PPP1R9A: variants seen among roughly 807,000 people sequenced by gnomAD.
The protein encoded by PPP1R9A is protein phosphatase 1 regulatory subunit 9A.
A neutral mutation model predicts 141.9 loss-of-function variants in PPP1R9A; 59 were observed. The observed-to-expected ratio is 0.42, with a 90% confidence interval of 0.34 to 0.52. The LOEUF (loss-of-function observed/expected upper bound fraction) is 0.52, where lower values mean the gene tolerates loss of function less well. PPP1R9A is among the 20% of genes least tolerant of loss of function. The pLI is 0.10. For missense variants in PPP1R9A, 1,444 were observed against 1,611.9 expected, an observed-to-expected ratio of 0.90 and a Z score of 1.78; for synonymous variants, 500 against 569.7, an observed-to-expected ratio of 0.88 and a Z score of 1.74.
intron 2 of PPP1R9A, among the ~76,000 whole-genome samples, chr7:95,055,640 A>G (rs946948732): frequency 6.6e-6 from 1 of 152,120 alleles, no homozygotes; most frequent in African/African-American, 2.4e-5. Context: ...CATATTTTTA[A>G]GCCTAGCCTT....
At chr7:94,981,394 C>G (rs918719378) in intron 2 of PPP1R9A, among the ~76,000 whole-genome samples, 2 of 152,086 alleles carry the variant, frequency 1.3e-5, no homozygotes, top group Non-Finnish European at 2.9e-5. Context: ...AGTGCGCTAC[C>G]GCAGCCGGCT....
chr7:95,036,744 T>C (rs536435478), intron 2 of PPP1R9A: 1 of 152,358 alleles, frequency 6.6e-6, no homozygotes, highest in African/African-American at 2.4e-5. Flanking sequence ...ATGAATTGCT[T>C]CTAATTTGCA....
chr7:95,052,151 T>C (rs374314947), intron 2 of PPP1R9A, among the ~76,000 whole-genome samples: 2 of 152,158 alleles, frequency 1.3e-5, no homozygotes, highest in Non-Finnish European at 2.9e-5. Context: ...AGATGAATTT[T>C]ATAGTCATTG....
intron 2 of PPP1R9A, among the ~76,000 whole-genome samples, chr7:94,938,710 C>G (rs1795025289): frequency 6.6e-6 from 1 of 152,236 alleles, no homozygotes; most frequent in African/African-American, 2.4e-5. Flanking sequence ...AATTTTTAAA[C>G]TAATCTGTAA....
chr7:95,149,903 A>T (rs1828342102), intron 4 of PPP1R9A, among the ~76,000 whole-genome samples: 1 of 151,936 alleles, frequency 6.6e-6, no homozygotes. Flanking sequence ...CCAACTTAAT[A>T]TTTAAGGGAA....
At chr7:95,193,441 A>C (rs552728406) in intron 5 of PPP1R9A, among the ~76,000 whole-genome samples, 1 of 152,122 alleles carries the variant, frequency 6.6e-6, no homozygotes, top group Admixed American at 6.5e-5. Flanking sequence ...TGTAGGGCAA[A>C]TTGAGAAAGC....
chr7:95,093,911 C>T (rs1433052333), intron 2 of PPP1R9A, among the ~76,000 whole-genome samples: 1 of 152,086 alleles, frequency 6.6e-6, no homozygotes, highest in Non-Finnish European at 1.5e-5. Flanking sequence ...AGGCACCAAC[C>T]TTAAATGTTT....
chr7:95,160,671 C>T (rs1322461719), intron 4 of PPP1R9A, among the ~76,000 whole-genome samples: 1 of 151,966 alleles, frequency 6.6e-6, no homozygotes, highest in Non-Finnish European at 1.5e-5. Flanking sequence ...CCCTTGCTTC[C>T]CTCTCTTCCT....
At chr7:95,226,188 ATATAT>A in intron 8 of PPP1R9A, 72 bp downstream of exon 8, 3 of 1,415,944 alleles carry the variant, frequency 2.1e-6, no homozygotes, top group Non-Finnish European at 2.9e-6. Context: ...TGTTCAAATA[ATATAT>A]TAAGAATAAT....
At chr7:94,962,682 AATG>A (rs1797763976) in intron 2 of PPP1R9A, among the ~76,000 whole-genome samples, 2 of 152,138 alleles carry the variant, frequency 1.3e-5, no homozygotes, top group South Asian at 4.1e-4. Context: ...AATACATTGA[AATG>A]ATGTATGTGT....
intron 8 of PPP1R9A, among the ~76,000 whole-genome samples, chr7:95,227,569 A>T (rs1585351311): frequency 1.3e-5 from 2 of 152,232 alleles, no homozygotes; most frequent in Non-Finnish European, 2.9e-5. Flanking sequence ...GAACACAAGC[A>T]TGCCCATCTC....
intron 5 of PPP1R9A, among the ~76,000 whole-genome samples, chr7:95,178,058 C>T (rs1378587065): frequency 6.6e-6 from 1 of 152,072 alleles, no homozygotes; most frequent in African/African-American, 2.4e-5. Context: ...ACAGAACATT[C>T]CATCCAAAGC....
chr7:94,953,294 T>C (rs1796688266), intron 2 of PPP1R9A, among the ~76,000 whole-genome samples: 2 of 152,186 alleles, frequency 1.3e-5, no homozygotes, highest in African/African-American at 4.8e-5. Context: ...TGCTGAGGCT[T>C]CTGTTCTGTT....
intron 5 of PPP1R9A, among the ~76,000 whole-genome samples, chr7:95,170,552 A>G (rs1455277767): frequency 1.3e-5 from 2 of 151,740 alleles, no homozygotes; most frequent in South Asian, 4.1e-4. Flanking sequence ...ACTTTGCAGT[A>G]GAAATAATAC....
chr7:95,018,046 A>C (rs1805357550), intron 2 of PPP1R9A: 1 of 153,754 alleles, frequency 6.5e-6, no homozygotes, highest in Non-Finnish European at 1.5e-5. Flanking sequence ...GGTTTCAAAA[A>C]TTATTTCCTG....
chr7:94,997,495 C>T (rs1802344694), intron 2 of PPP1R9A, among the ~76,000 whole-genome samples: 1 of 151,856 alleles, frequency 6.6e-6, no homozygotes, highest in Non-Finnish European at 1.5e-5. Flanking sequence ...CTGGTGACAC[C>T]CCTGTGGAGG....
chr7:94,987,842 A>G (rs1236470912), intron 2 of PPP1R9A, among the ~76,000 whole-genome samples: 2 of 152,130 alleles, frequency 1.3e-5, no homozygotes, highest in Non-Finnish European at 2.9e-5. Flanking sequence ...TTATCTTATT[A>G]CATACATTTG....
chr7:95,215,987 T>C (rs1793317715), intron 7 of PPP1R9A, among the ~76,000 whole-genome samples: 1 of 152,218 alleles, frequency 6.6e-6, no homozygotes, highest in South Asian at 2.1e-4. Flanking sequence ...TTAGATCCCA[T>C]TTGTCAATTT....
chr7:94,983,814 C>T (rs984634621), intron 2 of PPP1R9A, among the ~76,000 whole-genome samples: 53 of 152,238 alleles, frequency 3.5e-4, no homozygotes, highest in African/African-American at 1.2e-3. Context: ...TAATCGAATA[C>T]CTTTTATTTC....
Sources: allele counts gnomAD v4.1 joint callset (sites outside exome capture counted in the v4.1 genomes callset), GRCh38; gene constraint gnomAD v4.1.1; transcripts MANE v1.5; gene names NCBI Gene and HGNC (gene_info 2026-07-23, HGNC 2026-07-21).